The following UTS2 variants were observed in gnomAD, a reference collection of about 807,000 sequenced individuals.
The protein encoded by UTS2 is urotensin 2.
UTS2 carries 10 observed loss-of-function variants against 12.6 expected under a neutral mutation model. The ratio of observed to expected loss-of-function variants is 0.80; its 90% confidence interval spans 0.49 to 1.35. UTS2 has a LOEUF of 1.35. UTS2 is among the 40% of genes most tolerant of loss of function. The pLI is 0.00. For synonymous variants in UTS2, 52 were observed against 50.0 expected (o/e 1.04, Z -0.17); for missense variants, 142 against 143.2 (o/e 0.99, Z 0.04).
At chr1:7,902,239 G>A in the UTS2 span, among the ~76,000 whole-genome samples, 1 of 152,152 alleles carries the variant, frequency 6.6e-6, no homozygotes, top group Non-Finnish European at 1.5e-5. Flanking sequence ...TTCAGGGAGA[G>A]TTTTGTCCTG....
the UTS2 span, among the ~76,000 whole-genome samples, chr1:7,863,132 A>G: frequency 1.4e-3 from 190 of 131,898 alleles, no homozygotes; most frequent in Non-Finnish European, 2.1e-3. Context: ...TGTATTTGAG[A>G]CGAAGTTTTG....
At chr1:7,896,259 GA>G in the UTS2 span, among the ~76,000 whole-genome samples, 669 of 138,974 alleles carry the variant, frequency 4.8e-3, 2 homozygotes, top group African/African-American at 0.011. Context: ...GTTTATCCAT[GA>G]AAAAAAAAAA....
At chr1:7,880,675 T>A in the UTS2 span, among the ~76,000 whole-genome samples, 5 of 152,144 alleles carry the variant, frequency 3.3e-5, no homozygotes, top group Admixed American at 3.3e-4. Flanking sequence ...TAATAAAAAG[T>A]CTTCTAAGAA....
chr1:7,848,947 C>T (rs142556917), intron 3 of UTS2, among the ~76,000 whole-genome samples: 43 of 152,230 alleles, frequency 2.8e-4, no homozygotes, highest in East Asian at 7.7e-4. Flanking sequence ...ATTTTGCTTC[C>T]GCAGGTCCTA....
At chr1:7,869,357 G>A in the UTS2 span, among the ~76,000 whole-genome samples, 1 of 152,228 alleles carries the variant, frequency 6.6e-6, no homozygotes, top group South Asian at 2.1e-4. Context: ...CCACTGTGGA[G>A]GTGCCCAAGA....
the UTS2 span, among the ~76,000 whole-genome samples, chr1:7,906,620 C>T: frequency 2.0e-5 from 3 of 152,152 alleles, no homozygotes; most frequent in Admixed American, 6.5e-5. Context: ...ACTCTTCAAA[C>T]TTCCTGTCTT....
chr1:7,894,538 T>G, the UTS2 span, among the ~76,000 whole-genome samples: 2 of 152,104 alleles, frequency 1.3e-5, no homozygotes, highest in East Asian at 3.9e-4. Context: ...CTCTGGCCAG[T>G]GCACTAAGGA....
At chr1:7,882,567 C>A in the UTS2 span, among the ~76,000 whole-genome samples, 1 of 152,132 alleles carries the variant, frequency 6.6e-6, no homozygotes, top group Non-Finnish European at 1.5e-5. Flanking sequence ...ACAAATGGGA[C>A]TATATTGAAC....
At chr1:7,886,175 G>A in the UTS2 span, among the ~76,000 whole-genome samples, 1 of 152,020 alleles carries the variant, frequency 6.6e-6, no homozygotes, top group Non-Finnish European at 1.5e-5. Flanking sequence ...GAGTCTCCCC[G>A]GGAGGGGGGA....
chr1:7,863,055 ATTGTATT>A, the UTS2 span, among the ~76,000 whole-genome samples: 215 of 71,938 alleles, frequency 3.0e-3, 3 homozygotes, highest in Non-Finnish European at 5.4e-3. Flanking sequence ...ATTGTATTGT[ATTGTATT>A]GTATTGTATT....
chr1:7,886,837 G>A, the UTS2 span, among the ~76,000 whole-genome samples: 1 of 151,930 alleles, frequency 6.6e-6, no homozygotes, highest in Non-Finnish European at 1.5e-5. Flanking sequence ...GGTATCACGA[G>A]GTTAGCAGTT....
chr1:7,906,091 T>C, the UTS2 span, among the ~76,000 whole-genome samples: 1 of 152,190 alleles, frequency 6.6e-6, no homozygotes, highest in Non-Finnish European at 1.5e-5. Context: ...TCTTGAGGCT[T>C]TCACTTGGCC....
upstream of UTS2, among the ~76,000 whole-genome samples, chr1:7,858,448 G>A (rs1326225418): frequency 2.0e-5 from 3 of 152,188 alleles, no homozygotes; most frequent in Non-Finnish European, 2.9e-5. Context: ...TGTCTATGGA[G>A]CACTCCCATC....
chr1:7,893,495 AT>A, the UTS2 span, among the ~76,000 whole-genome samples: 12 of 22,096 alleles, frequency 5.4e-4, no homozygotes, highest in South Asian at 0.011. Flanking sequence ...CTGTCTCTAA[AT>A]AAATAAATAA....
At chr1:7,894,639 G>C in the UTS2 span, among the ~76,000 whole-genome samples, 1 of 152,044 alleles carries the variant, frequency 6.6e-6, no homozygotes, top group Non-Finnish European at 1.5e-5. Context: ...TCATTCCAGG[G>C]GTAGAGGCCC....
chr1:7,861,146 A>G, the UTS2 span, among the ~76,000 whole-genome samples: 3 of 151,956 alleles, frequency 2.0e-5, no homozygotes, highest in Admixed American at 6.6e-5. Context: ...AGTGCTGGAT[A>G]TGAAAGAGGA....
the UTS2 span, among the ~76,000 whole-genome samples, chr1:7,908,438 G>C: frequency 1.0e-4 from 15 of 145,920 alleles, 1 homozygote; most frequent in South Asian, 3.2e-3. Flanking sequence ...TCCGGCCTGG[G>C]CGACAGAGTG....
chr1:7,847,837 G>C lies in UTS2; in HGVS notation c.304C>G (p.Leu102Val). The C allele has an allele frequency of 6.2e-7, 1 of 1,613,854 alleles. No individual in the cohort carries two copies. Among genetic ancestry groups the C allele is most frequent in the Non-Finnish European group, 8.5e-7 (1 of 1,179,936 alleles). Reference protein sequence around the residue: ...GQDPNILLSHLLARIWKPYKK... With the variant: ...GQDPNILLSHVLARIWKPYKK... ...TATGGTTTCCAGATTCTGGCCAAAA[G>C]ATGACTCAGTAAAATGTTAGGATCT... Residue 102 changes from leucine to valine, a missense_variant, in exon 4 of 4, where the codon CTT (leucine) becomes GTT (valine). Leu to Val is a conservative substitution (Grantham distance 32). Transcript: ENST00000361696.
At chr1:7,854,083 C>T (rs747577085), upstream of UTS2, among the ~76,000 whole-genome samples, 1 of 152,046 alleles carries the variant, frequency 6.6e-6, no homozygotes, top group Non-Finnish European at 1.5e-5. Context: ...CAGTGGCTCA[C>T]GCCTGTAATC....
Sources: gnomAD v4.1 joint callset for allele counts (sites outside exome capture counted in the v4.1 genomes callset) on GRCh38, gnomAD v4.1.1 for gene constraint, MANE v1.5 for transcripts, NCBI Gene and HGNC (gene_info 2026-07-23, HGNC 2026-07-21) for gene names.